The following CFAP20DC variants were observed in gnomAD, a reference collection of about 807,000 sequenced individuals.
The protein encoded by CFAP20DC is protein CFAP20DC.
CFAP20DC carries 84 observed loss-of-function variants against 101.7 expected under a neutral mutation model. That is an observed-to-expected ratio of 0.83 (90% CI 0.69 to 0.99). The LOEUF is 0.99. Ranked by LOEUF, CFAP20DC falls within the 50% of genes least tolerant of loss-of-function variation. The probability of loss-of-function intolerance (pLI) is 0.00; values close to 1 mark genes in which losing one functional copy is unlikely to be tolerated. For synonymous variants in CFAP20DC, 359 were observed against 351.2 expected, an observed-to-expected ratio of 1.02 and a Z score of -0.25; for missense variants, 1,007 against 970.3, an observed-to-expected ratio of 1.04 and a Z score of -0.50.
chr3:58,979,895 C>T (rs1222398541), intron 4 of CFAP20DC, among the ~76,000 whole-genome samples: 2 of 151,426 alleles, frequency 1.3e-5, no homozygotes, highest in African/African-American at 2.4e-5. Flanking sequence ...AAAATCATAT[C>T]CTGGACAGCA....
chr3:59,048,671 G>C (rs1382898205), intron 1 of CFAP20DC, among the ~76,000 whole-genome samples: 3 of 152,176 alleles, frequency 2.0e-5, no homozygotes, highest in African/African-American at 4.8e-5. Context: ...AGACTACTCC[G>C]AGAGCACTCA....
intron 4 of CFAP20DC, among the ~76,000 whole-genome samples, chr3:59,011,698 T>C (rs747347667): frequency 6.6e-6 from 1 of 151,880 alleles, no homozygotes; most frequent in African/African-American, 2.4e-5. Flanking sequence ...ATTAATGAGA[T>C]TAACCAAGAA....
chr3:58,829,846 T>G (rs1390855883), intron 14 of CFAP20DC, among the ~76,000 whole-genome samples: 1 of 152,140 alleles, frequency 6.6e-6, no homozygotes, highest in African/African-American at 2.4e-5. Context: ...AGCTTGCCCT[T>G]TGTAATGTTG....
chr3:58,771,696 A>T (rs1559568059), intron 15 of CFAP20DC, among the ~76,000 whole-genome samples: 1 of 152,184 alleles, frequency 6.6e-6, no homozygotes, highest in Non-Finnish European at 1.5e-5. Flanking sequence ...ATCACCAGAG[A>T]TGGGGAGGTA....
chr3:58,817,787 G>A (rs2075308623), intron 14 of CFAP20DC, among the ~76,000 whole-genome samples: 1 of 152,068 alleles, frequency 6.6e-6, no homozygotes, highest in East Asian at 1.9e-4. Flanking sequence ...GAAATACAGA[G>A]AATGCCACAA....
At chr3:58,877,923 GA>G (rs922935040) in intron 7 of CFAP20DC, among the ~76,000 whole-genome samples, 8 of 151,794 alleles carry the variant, frequency 5.3e-5, no homozygotes, top group East Asian at 1.9e-4. Flanking sequence ...TTTTCAGATG[GA>G]AAAAAAATAG....
At chr3:58,758,973 T>C (rs1182400530) in intron 15 of CFAP20DC, among the ~76,000 whole-genome samples, 1 of 152,190 alleles carries the variant, frequency 6.6e-6, no homozygotes, top group African/African-American at 2.4e-5. Flanking sequence ...GTCTTTGCTA[T>C]TGTGAATAGT....
chr3:58,896,677 A>T (rs78507783), intron 6 of CFAP20DC, among the ~76,000 whole-genome samples: 2,198 of 152,272 alleles, frequency 0.014, 19 homozygotes, highest in Middle Eastern at 0.024. Flanking sequence ...TTCAATTTCC[A>T]AGTACTTGTG....
intron 15 of CFAP20DC, among the ~76,000 whole-genome samples, chr3:58,765,489 C>CAAAAAAAAAAAAAAAAAAA (rs1559559556): frequency 9.2e-6 from 1 of 108,734 alleles, no homozygotes; most frequent in Non-Finnish European, 1.9e-5. Flanking sequence ...AAAAAAAAAA[C>CAAAAAAAAAAAAAAAAAAA]CAAAAAAAAA....
chr3:58,920,563 G>C (rs927146767), intron 5 of CFAP20DC, among the ~76,000 whole-genome samples: 1 of 152,074 alleles, frequency 6.6e-6, no homozygotes, highest in African/African-American at 2.4e-5. Flanking sequence ...TCATAAATTT[G>C]TTCAAATAAT....
chr3:58,747,800 T>C (rs1351218660), intron 16 of CFAP20DC, among the ~76,000 whole-genome samples: 2 of 152,106 alleles, frequency 1.3e-5, no homozygotes, highest in South Asian at 2.1e-4. Flanking sequence ...TAACTCACAC[T>C]AAAGTCTGAG....
chr3:58,985,807 A>T (rs750076222), intron 4 of CFAP20DC, among the ~76,000 whole-genome samples: 3 of 152,186 alleles, frequency 2.0e-5, no homozygotes, highest in African/African-American at 7.2e-5. Context: ...CTCTCACTGC[A>T]TTCTATTTGT....
At chr3:58,804,963 G>A (rs554384991) in intron 15 of CFAP20DC, among the ~76,000 whole-genome samples, 1 of 152,230 alleles carries the variant, frequency 6.6e-6, no homozygotes, top group African/African-American at 2.4e-5. Context: ...GAAACATTTA[G>A]AAGAGATTAC....
intron 15 of CFAP20DC, among the ~76,000 whole-genome samples, chr3:58,764,168 C>G (rs2070014257): frequency 6.6e-6 from 1 of 152,210 alleles, no homozygotes; most frequent in Admixed American, 6.5e-5. Context: ...CCTCCGTGAG[C>G]TGCAGTGGGC....
In CFAP20DC at chr3:58,736,805, G is replaced by T. The variant is rs550864418; in HGVS notation, c.197+16964C>A. Among the ~76,000 whole-genome samples, 60 of 152,230 alleles carry T rather than the reference G, an allele frequency of 3.9e-4. 1 individual carries two copies. The South Asian group carries it at 0.012, about 31-fold the overall frequency. ...ATACTATTTCCTACACATCACTTTC[G>T]TAATGCCTCACAGAATTACAGGTGA... On this transcript the variant is annotated intron_variant, in intron 3 of 3. Coordinates refer to the CFAP20DC transcript ENST00000486145.
At chr3:58,851,707 T>C (rs1000827380) in intron 12 of CFAP20DC, among the ~76,000 whole-genome samples, 5 of 152,184 alleles carry the variant, frequency 3.3e-5, no homozygotes, top group Admixed American at 2.0e-4. Flanking sequence ...CCTGGGAATA[T>C]AACCACGTCG....
chr3:58,909,216 G>A (rs937135356), intron 6 of CFAP20DC, among the ~76,000 whole-genome samples: 4 of 152,032 alleles, frequency 2.6e-5, no homozygotes, highest in Non-Finnish European at 4.4e-5. Context: ...ATTCTGTTAT[G>A]CATGTTCACA....
intron 12 of CFAP20DC, among the ~76,000 whole-genome samples, chr3:58,853,287 G>A (rs1170651182): frequency 6.6e-6 from 1 of 152,156 alleles, no homozygotes; most frequent in African/African-American, 2.4e-5. Flanking sequence ...AAACCAGGAA[G>A]AAGTTGAATC....
At chr3:58,881,102 T>C (rs1285513260) in intron 7 of CFAP20DC, among the ~76,000 whole-genome samples, 1 of 152,180 alleles carries the variant, frequency 6.6e-6, no homozygotes, top group Non-Finnish European at 1.5e-5. Context: ...GATTTCACCA[T>C]TGCCAAAAAT....
Sources: gnomAD v4.1 joint callset for allele counts (sites outside exome capture counted in the v4.1 genomes callset) on GRCh38, gnomAD v4.1.1 for gene constraint, MANE v1.5 for transcripts, NCBI Gene and HGNC (gene_info 2026-07-23, HGNC 2026-07-21) for gene names.